The following SACS variants were observed in gnomAD, a reference collection of about 807,000 sequenced individuals.
The protein encoded by SACS is sacsin molecular chaperone.
A neutral mutation model predicts 348.0 loss-of-function variants in SACS; 197 were observed. The ratio of observed to expected loss-of-function variants is 0.57; its 90% CI spans 0.50 to 0.64. The LOEUF (loss-of-function observed/expected upper bound fraction) is 0.64. Ranked by LOEUF, SACS falls within the 30% of genes least tolerant of loss-of-function variation. The probability of loss-of-function intolerance (pLI) is 0.00; values close to 1 mark genes in which losing one functional copy is unlikely to be tolerated. For synonymous variants in SACS, 1,985 were observed against 1,910.6 expected (o/e 1.04, Z -1.02); for missense variants, 4,999 against 5,360.8 (o/e 0.93, Z 2.11).
Position 23,354,881 on chromosome 13 carries a change from G to A in SACS, c.1731C>T (p.Phe577=). 6.2e-7 allele frequency: 1 copy of A among 1,614,196 alleles called. No homozygotes were observed. ...CDWVRLEQVY[F]SELDENLEYT... ...ATTCTAAATTTTCATCAAGTTCTGA[G>A]AAGTACACCTGCTCCAACCTGACCC... The change falls in exon 8 of 10, where the codon TTC becomes TTT. Residue 577 remains phenylalanine, a synonymous_variant. Transcript: ENST00000382292.
intron 4 of SACS, 75 bp downstream of exon 4, chr13:23,371,003 A>C: frequency 7.0e-6 from 7 of 1,004,336 alleles, no homozygotes; most frequent in Non-Finnish European, 1.1e-5. Context: ...AAAACCAACC[A>C]AACAAACAAA....
rs769422067 is a variant in SACS at position 23,333,927 on chromosome 13, T to C, written c.9949A>G (p.Ser3317Gly). The C allele has an allele frequency of 2.5e-6, 4 of 1,613,698 alleles. No homozygotes were observed. The highest frequency in any genetic ancestry group is 1.6e-4 in the Middle Eastern group (1 of 6,084). The change falls in exon 10 of 10, where the codon AGT (serine) becomes GGT (glycine). Residue 3317 changes from serine (S) to glycine (G), a missense_variant. Around this residue, in one of 6 missense-constraint regions of SACS, gnomAD observed 734 missense variants for 694.0 expected, o/e 1.06. Transcript: ENST00000382292. The part of the protein sequence containing the change: ...MHIAVFPNAQ[S>G]DKVFHALMKA... ...ATTAGAGCATGAAAAACTTTATCACTCTGGGCATTTGGAAAAACTGCAATG... is the reference window on the plus strand; with the variant it reads ...ATTAGAGCATGAAAAACTTTATCACCCTGGGCATTTGGAAAAACTGCAATG...
At chr13:23,410,973 A>C (rs1873457946) in intron 2 of SACS, among the ~76,000 whole-genome samples, 1 of 152,206 alleles carries the variant, frequency 6.6e-6, no homozygotes, top group Non-Finnish European at 1.5e-5. Context: ...TTAGCTCTCC[A>C]TTGCAATAGC....
intron 7 of SACS, among the ~76,000 whole-genome samples, chr13:23,357,799 G>A (rs1173561378): frequency 6.6e-6 from 1 of 152,166 alleles, no homozygotes; most frequent in Non-Finnish European, 1.5e-5. Flanking sequence ...TTAAAAATAT[G>A]ATTTCAAAGT....
intron 2 of SACS, among the ~76,000 whole-genome samples, chr13:23,406,509 C>A (rs1249483045): frequency 6.9e-6 from 1 of 143,976 alleles, no homozygotes; most frequent in African/African-American, 2.5e-5. Context: ...GCACATGTAT[C>A]CCAAAACTTA....
chr13:23,408,825 C>T (rs1229432653), intron 2 of SACS, among the ~76,000 whole-genome samples: 1 of 151,612 alleles, frequency 6.6e-6, no homozygotes, highest in South Asian at 2.1e-4. Context: ...ATTAGCCGGG[C>T]GTGGTGGTGG....
chr13:23,372,560 GAATT>G (rs1193198412), intron 3 of SACS, among the ~76,000 whole-genome samples: 4 of 152,098 alleles, frequency 2.6e-5, no homozygotes, highest in South Asian at 2.1e-4. Flanking sequence ...CCCAATACAT[GAATT>G]AATTTGGCAA....
intron 2 of SACS, among the ~76,000 whole-genome samples, chr13:23,381,418 G>C (rs1218060607): frequency 6.7e-6 from 1 of 150,278 alleles, no homozygotes; most frequent in Non-Finnish European, 1.5e-5. Flanking sequence ...GGCTGGACGT[G>C]GGCAGCATGA....
At position 23,332,609 on chromosome 13, in the gene SACS, CAT is replaced by C. The variant is rs1400601705; in HGVS notation, c.11265_11266del (p.Ile3755MetfsTer8). The C allele has an allele frequency of 7.4e-6, 12 of 1,613,486 alleles. No homozygotes were observed. The highest frequency in any genetic ancestry group is 1.3e-5 in the African/African-American group (1 of 74,912). ...TTCTTCATCCAACGTCGTTATGTTG[CAT>C]ATGTTTCTGCAGTTATTGATTACCT... On this transcript the variant is annotated frameshift_variant, in exon 10 of 10. Transcript: ENST00000382292. LOFTEE classifies it high-confidence loss of function.
intron 1 of SACS, among the ~76,000 whole-genome samples, chr13:23,415,734 G>A (rs765147211): frequency 6.6e-6 from 1 of 151,996 alleles, no homozygotes; most frequent in Non-Finnish European, 1.5e-5. Flanking sequence ...ATTATGAAAA[G>A]AAACTTTCCA....
chr13:23,406,679 T>C (rs1191085740), intron 2 of SACS, among the ~76,000 whole-genome samples: 1 of 152,190 alleles, frequency 6.6e-6, no homozygotes, highest in East Asian at 1.9e-4. Context: ...AGAATTTTAT[T>C]ATAGGTAAAT....
intron 9 of SACS, among the ~76,000 whole-genome samples, chr13:23,347,549 CT>C (rs1869688449): frequency 6.6e-6 from 1 of 152,164 alleles, no homozygotes; most frequent in African/African-American, 2.4e-5. Context: ...ATTCTAATCA[CT>C]TTAGCAACAG....
chr13:23,335,356 G>A lies in SACS; in HGVS notation c.8520C>T (p.His2840=). ...EKVSKSVISA[H]KNQDITLFPR... is the part of the protein sequence containing the mutation. ...GGAAAAGAGTAATATCTTGGTTCTTGTGAGCTGATATGACACTTTTAGATA... is the reference window on the plus strand; with the variant it reads ...GGAAAAGAGTAATATCTTGGTTCTTATGAGCTGATATGACACTTTTAGATA... The change falls in exon 10 of 10, where the codon CAC becomes CAT. Residue 2840 remains histidine, a synonymous_variant. Coordinates refer to ENST00000382292, the MANE Select transcript of SACS (RefSeq NM_014363.6). This position sits in a 1 kb window ranked among gnomAD's most constrained non-coding sequence, Gnocchi z 4.7. 1.2e-6 allele frequency: 2 copies of A among 1,613,942 alleles called. No individual in the cohort carries two copies. The highest frequency in any genetic ancestry group is 1.7e-6 in the Non-Finnish European group (2 of 1,179,878).
At position 23,337,824 on chromosome 13, in the gene SACS, T is replaced by C; in HGVS notation, c.6052A>G (p.Lys2018Glu). The C allele has an allele frequency of 6.2e-7, 1 of 1,613,942 alleles. No homozygotes were observed. The highest frequency in any genetic ancestry group is 8.5e-7 in the Non-Finnish European group (1 of 1,179,978). ...GCACAAAGGTTTTTGGACCCAGTCT[T>C]CTTGAGGTATTTCAAAAATATCTTG... ...AFKIFLKYLK[K>E]TGSKNLCAVE... Residue 2018 changes from lysine (K) to glutamate (E), a missense_variant, in exon 10 of 10, where the codon AAG becomes GAG. Lys to Glu is a moderately conservative substitution (Grantham distance 56). This residue lies in a region of SACS where 3,156 missense variants were observed against 3,380.1 expected (regional missense o/e 0.93). Transcript: ENST00000382292.
At chr13:23,389,812 A>G (rs9507083) in intron 2 of SACS, among the ~76,000 whole-genome samples, 121,320 of 151,748 alleles carry the variant, frequency 0.8, 49,816 homozygotes, top group East Asian at 1. Context: ...GAGAAGGATC[A>G]GTTCTACTCT....
At chr13:23,397,983 G>A (rs1566101696) in intron 2 of SACS, among the ~76,000 whole-genome samples, 1 of 151,974 alleles carries the variant, frequency 6.6e-6, no homozygotes, top group African/African-American at 2.4e-5. Flanking sequence ...CCTGAGGTCG[G>A]GAGTTCGAGA....
In SACS at chr13:23,354,687, C is replaced by T. The variant is rs1381843612; in HGVS notation, c.1925G>A (p.Gly642Asp). 2.5e-6 allele frequency: 4 copies of T among 1,614,046 alleles called. No homozygotes were observed. Among genetic ancestry groups the T allele is most frequent in the Non-Finnish European group, 3.4e-6 (4 of 1,180,034 alleles). Reference protein sequence around the residue: ...RQVLRKCAHLGCAEEKLHLLE... With the variant: ...RQVLRKCAHLDCAEEKLHLLE... ...AAGGTGAAGCTTTTCTTCAGCACAG[C>T]CCAGGTGTGCACACTTCCGCAGCAC... The change falls in exon 8 of 10, where the codon GGC becomes GAC. Residue 642 changes from glycine to aspartate, a missense_variant. Physicochemically the swap from Gly to Asp is moderately conservative, Grantham distance 94. Around this residue, in one of 6 missense-constraint regions of SACS, gnomAD observed 3,156 missense variants for 3,380.1 expected, o/e 0.93. Coordinates refer to ENST00000382292, the MANE Select transcript of SACS (RefSeq NM_014363.6).
rs2137573919 is a variant in SACS at position 23,333,331 on chromosome 13, T to C, written c.10545A>G (p.Glu3515=). ...SSAEELSEIK[E]QLFEKLESLL... is the part of the protein sequence containing the mutation. ...AACTTTCCAGTTTTTCAAAAAGTTG[T>C]TCCTTAATCTCTGATAATTCCTCAG... Residue 3515 remains glutamate (E), a synonymous_variant, in exon 10 of 10, where the codon GAA becomes GAG. Coordinates refer to ENST00000382292, the MANE Select transcript of SACS (RefSeq NM_014363.6). The C allele has an allele frequency of 6.2e-7, 1 of 1,601,500 alleles. No individual in the cohort carries two copies. The highest frequency in any genetic ancestry group is 8.5e-7 in the Non-Finnish European group (1 of 1,175,920).
At chr13:23,387,265 C>T (rs1406932327) in intron 2 of SACS, among the ~76,000 whole-genome samples, 1 of 151,964 alleles carries the variant, frequency 6.6e-6, no homozygotes, top group Non-Finnish European at 1.5e-5. Flanking sequence ...CAAGACCATC[C>T]TGGCTAACAC....
Sources: allele counts gnomAD v4.1 joint callset (sites outside exome capture counted in the v4.1 genomes callset), GRCh38; gene constraint gnomAD v4.1.1; regional missense constraint gnomAD v4.1.1; non-coding constraint Gnocchi (gnomAD v3.1); transcripts MANE v1.5; gene names NCBI Gene and HGNC (gene_info 2026-07-23, HGNC 2026-07-21).